The following PKHD1 variants were observed in gnomAD, a reference collection of about 807,000 sequenced individuals.
The protein encoded by PKHD1 is PKHD1 ciliary IPT domain containing fibrocystin/polyductin, also known as fibrocystin.
Under a neutral mutation model 412.0 loss-of-function variants are expected in PKHD1, and 291 were observed. The ratio of observed to expected loss-of-function variants is 0.71; its 90% CI spans 0.64 to 0.78. The LOEUF (loss-of-function observed/expected upper bound fraction) is 0.78, where lower values mean the gene tolerates loss of function less well. Ranked by LOEUF, PKHD1 falls within the 30% of genes least tolerant of loss-of-function variation. The pLI, the probability that PKHD1 is intolerant of heterozygous loss-of-function variation, is 0.00. For missense variants in PKHD1, 4,825 were observed against 4,950.7 expected (o/e 0.97, Z 0.76); for synonymous variants, 1,777 against 1,821.5 (o/e 0.98, Z 0.62).
At chr6:52,051,141 G>A (rs1249828481) in intron 21 of PKHD1, among the ~76,000 whole-genome samples, 2 of 152,086 alleles carry the variant, frequency 1.3e-5, no homozygotes, top group African/African-American at 4.8e-5. Flanking sequence ...TCAGTTCGAG[G>A]GTCAGTGATC....
chr6:51,902,085 C>T (rs1410004724), intron 43 of PKHD1, among the ~76,000 whole-genome samples: 1 of 152,186 alleles, frequency 6.6e-6, no homozygotes, highest in Non-Finnish European at 1.5e-5. Context: ...GAGACAAGGA[C>T]ATTCCAGCTT....
chr6:51,777,904 C>T (rs1053725697), intron 53 of PKHD1, among the ~76,000 whole-genome samples: 3 of 151,974 alleles, frequency 2.0e-5, no homozygotes, highest in African/African-American at 2.4e-5. Context: ...GTTAGCCTGC[C>T]GTGATATTTT....
Position 51,747,976 on chromosome 6 carries a change from A to T in PKHD1, c.9640T>A (p.Cys3214Ser). ...VIVATSSSFD[C>S]IQDKVKPHSA... is the part of the protein sequence containing the mutation. ...TGCGGCTTCACTTTGTCCTGAATGC[A>T]GTCAAAAGAAGAGCTGGTGGCCACA... Residue 3214 changes from cysteine (C) to serine (S), a missense_variant, in exon 58 of 67, where the codon TGC becomes AGC. Coordinates refer to ENST00000371117, the MANE Select transcript of PKHD1 (RefSeq NM_138694.4). 1 of 1,614,122 alleles carries T rather than the reference A, an allele frequency of 6.2e-7. No homozygotes were observed. Among genetic ancestry groups the T allele is most frequent in the Non-Finnish European group, 8.5e-7 (1 of 1,179,992 alleles).
At chr6:51,736,152 G>A (rs1783817180) in intron 60 of PKHD1, among the ~76,000 whole-genome samples, 1 of 152,152 alleles carries the variant, frequency 6.6e-6, no homozygotes, top group African/African-American at 2.4e-5. Flanking sequence ...CACTCAGCAA[G>A]TGTTAGATGC....
chr6:51,907,116 T>A (rs956201346), intron 40 of PKHD1, among the ~76,000 whole-genome samples: 3 of 152,160 alleles, frequency 2.0e-5, no homozygotes, highest in Non-Finnish European at 4.4e-5. Flanking sequence ...ATTTGCATTC[T>A]GATGGAGGAA....
intron 52 of PKHD1, among the ~76,000 whole-genome samples, chr6:51,814,008 T>C (rs1159912107): frequency 6.6e-6 from 1 of 152,174 alleles, no homozygotes; most frequent in African/African-American, 2.4e-5. Flanking sequence ...ATAACCATAC[T>C]TAATGTATAA....
chr6:51,897,243 A>T (rs1256722025), intron 43 of PKHD1, among the ~76,000 whole-genome samples: 1 of 152,038 alleles, frequency 6.6e-6, no homozygotes, highest in Non-Finnish European at 1.5e-5. Context: ...GAAGGGAAAA[A>T]TGTTAAGGGC....
At chr6:51,978,810 C>A (rs1794779357) in intron 35 of PKHD1, among the ~76,000 whole-genome samples, 1 of 152,168 alleles carries the variant, frequency 6.6e-6, no homozygotes, top group Admixed American at 6.5e-5. Flanking sequence ...CTATTATCAC[C>A]TACCTCATAA....
chr6:51,806,689 A>T (rs1763835897), intron 52 of PKHD1, among the ~76,000 whole-genome samples: 1 of 108,814 alleles, frequency 9.2e-6, no homozygotes, highest in African/African-American at 3.1e-5. Context: ...CTAAAAATAG[A>T]TGAGGGTTTT....
At chr6:51,627,568 T>C (rs1767417102) in intron 65 of PKHD1, among the ~76,000 whole-genome samples, 3 of 152,080 alleles carry the variant, frequency 2.0e-5, no homozygotes. Flanking sequence ...ACTGATTAGC[T>C]AGTGACAGAA....
intron 60 of PKHD1, among the ~76,000 whole-genome samples, chr6:51,734,601 C>T (rs1042183918): frequency 2.6e-5 from 4 of 151,796 alleles, no homozygotes; most frequent in South Asian, 2.1e-4. Flanking sequence ...AGCTGAGCAA[C>T]GGGTGAAGGA....
intron 62 of PKHD1, among the ~76,000 whole-genome samples, chr6:51,648,715 T>G (rs542396625): frequency 6.6e-6 from 1 of 152,352 alleles, no homozygotes; most frequent in South Asian, 2.1e-4. Context: ...AAAACTGTAA[T>G]GTATCTATAA....
At chr6:51,991,937 T>C (rs1354490822) in intron 35 of PKHD1, among the ~76,000 whole-genome samples, 2 of 152,226 alleles carry the variant, frequency 1.3e-5, no homozygotes, top group Non-Finnish European at 2.9e-5. Flanking sequence ...ATACTGAAAT[T>C]AGGAGTTACT....
chr6:51,867,023 T>C (rs1291186991), intron 48 of PKHD1, among the ~76,000 whole-genome samples: 1 of 152,114 alleles, frequency 6.6e-6, no homozygotes, highest in South Asian at 2.1e-4. Flanking sequence ...CCACATGCAT[T>C]CAAAATACAG....
intron 66 of PKHD1, among the ~76,000 whole-genome samples, chr6:51,624,685 T>C (rs564874115): frequency 1.3e-5 from 2 of 152,376 alleles, no homozygotes. Context: ...GCACACATAG[T>C]GTGCCTGAAA....
chr6:51,699,867 T>C (rs1779214832), intron 60 of PKHD1, among the ~76,000 whole-genome samples: 1 of 150,362 alleles, frequency 6.7e-6, no homozygotes, highest in Admixed American at 6.7e-5. Context: ...AGAACTATTA[T>C]GCTGGGAATA....
intron 15 of PKHD1, 24 bp downstream of exon 15, chr6:52,059,904 G>A (rs1808416789): frequency 8.7e-7 from 1 of 1,150,912 alleles, no homozygotes; most frequent in Non-Finnish European, 1.3e-6. Flanking sequence ...ACAGAGAAAA[G>A]GAAAATGAGA....
In PKHD1 at chr6:52,025,280, G is replaced by A. The variant is rs1801976409; in HGVS notation, c.4530C>T (p.Ala1510=). 1.2e-6 allele frequency: 2 copies of A among 1,613,880 alleles called. No homozygotes were observed. Among genetic ancestry groups the A allele is most frequent in the South Asian group, 1.1e-5 (1 of 91,076 alleles). ...ATACCATCGGCTCATCAGCTGTGGT[G>A]GCTAACCTCTGACCCCTAATCAGCA... is the stretch of plus-strand genomic sequence containing the variant. ...TTVLIRGQRL[A]TTADEPMVFV... is the part of the protein sequence containing the mutation. Residue 1510 remains alanine (A), a synonymous_variant, in exon 32 of 67, where the codon GCC becomes GCT. Transcript: ENST00000371117.
chr6:51,969,920 A>G (rs146554555), intron 35 of PKHD1, among the ~76,000 whole-genome samples: 63 of 152,248 alleles, frequency 4.1e-4, no homozygotes, highest in African/African-American at 1.4e-3. Flanking sequence ...TATCTTTTTG[A>G]TATAATAATT....
Sources: allele counts gnomAD v4.1 joint callset (sites outside exome capture counted in the v4.1 genomes callset), GRCh38; gene constraint gnomAD v4.1.1; transcripts MANE v1.5; gene names NCBI Gene and HGNC (gene_info 2026-07-23, HGNC 2026-07-21).